The following STPG2 variants were observed in gnomAD, a reference collection of about 807,000 sequenced individuals.
STPG2 encodes sperm-tail PG-rich repeat-containing protein 2.
Under a neutral mutation model 54.2 loss-of-function variants are expected in STPG2, and 56 were observed. The ratio of observed to expected loss-of-function variants is 1.03; its 90% CI spans 0.83 to 1.29. The LOEUF (loss-of-function observed/expected upper bound fraction) is 1.29, where lower values mean the gene tolerates loss of function less well. STPG2 is among the 50% of genes most tolerant of loss of function. The probability of loss-of-function intolerance (pLI) is 0.00; values close to 1 mark genes in which losing one functional copy is unlikely to be tolerated. For synonymous variants in STPG2, 200 were observed against 181.8 expected (o/e 1.10, Z -0.81); for missense variants, 596 against 544.9 (o/e 1.09, Z -0.93).
intron 8 of STPG2, among the ~76,000 whole-genome samples, chr4:97,926,413 C>A (rs927865571): frequency 6.6e-5 from 10 of 152,086 alleles, no homozygotes; most frequent in African/African-American, 1.9e-4. Context: ...TTCATTTTAC[C>A]AGACTTCCCC....
chr4:97,446,080 T>C (rs1468492271), intron 4 of STPG2, among the ~76,000 whole-genome samples: 2 of 152,180 alleles, frequency 1.3e-5, no homozygotes, highest in Non-Finnish European at 2.9e-5. Flanking sequence ...CAAAACTGCT[T>C]GATAATGCAA....
At chr4:97,976,714 C>T (rs925042819) in intron 6 of STPG2, among the ~76,000 whole-genome samples, 2 of 152,110 alleles carry the variant, frequency 1.3e-5, no homozygotes, top group African/African-American at 4.8e-5. Flanking sequence ...ATCAAATTTC[C>T]ATGATGGCCA....
intron 5 of STPG2, among the ~76,000 whole-genome samples, chr4:97,994,498 T>C (rs954943056): frequency 2.6e-5 from 4 of 152,160 alleles, no homozygotes; most frequent in South Asian, 2.1e-4. Context: ...TTGTAGGGTA[T>C]AGTTTAACTC....
At chr4:98,018,482 G>A (rs1204169416) in intron 5 of STPG2, among the ~76,000 whole-genome samples, 1 of 152,176 alleles carries the variant, frequency 6.6e-6, no homozygotes, top group African/African-American at 2.4e-5. Context: ...AAACATACGT[G>A]TGCATGTGTC....
intron 4 of STPG2, among the ~76,000 whole-genome samples, chr4:97,497,149 A>G (rs2148830824): frequency 6.6e-6 from 1 of 151,902 alleles, no homozygotes; most frequent in African/African-American, 2.4e-5. Context: ...CTCAAGCATT[A>G]AAGAAAATCA....
chr4:97,684,063 G>C (rs913640182), intron 10 of STPG2, among the ~76,000 whole-genome samples: 9 of 151,744 alleles, frequency 5.9e-5, no homozygotes, highest in African/African-American at 2.2e-4. Context: ...AGGTACAAGA[G>C]ATATATGAGG....
chr4:97,907,010 T>C (rs1731455070), intron 8 of STPG2, among the ~76,000 whole-genome samples: 2 of 150,534 alleles, frequency 1.3e-5, no homozygotes. Flanking sequence ...TTGGAAGTTC[T>C]GGCCAGGGCA....
At chr4:97,967,331 T>G (rs1046570332) in intron 7 of STPG2, among the ~76,000 whole-genome samples, 1 of 152,108 alleles carries the variant, frequency 6.6e-6, no homozygotes, top group Admixed American at 6.5e-5. Context: ...TAAATATATA[T>G]GCACCCAATA....
intron 2 of STPG2, among the ~76,000 whole-genome samples, chr4:98,129,546 C>T (rs977711175): frequency 3.3e-5 from 5 of 151,812 alleles, no homozygotes; most frequent in South Asian, 2.1e-4. Context: ...AGAAGCTATA[C>T]AAAAATTAAC....
intron 4 of STPG2, among the ~76,000 whole-genome samples, chr4:97,516,669 C>T (rs1029332028): frequency 4.0e-5 from 6 of 151,364 alleles, no homozygotes; most frequent in African/African-American, 1.5e-4. Context: ...ACTAAAAATA[C>T]AAAAAAAATT....
At chr4:97,825,053 T>G (rs1430560920) in intron 9 of STPG2, among the ~76,000 whole-genome samples, 2 of 152,094 alleles carry the variant, frequency 1.3e-5, no homozygotes, top group Admixed American at 6.6e-5. Context: ...AAGAGTGCTA[T>G]GTTTAAAAGT....
chr4:97,514,352 G>T (rs71606989), intron 4 of STPG2, among the ~76,000 whole-genome samples: 45 of 152,162 alleles, frequency 3.0e-4, no homozygotes, highest in Non-Finnish European at 1.0e-4. Flanking sequence ...TTGATAAAGT[G>T]TGAGAACCTG....
At chr4:98,137,256 C>A (rs1274879319) in intron 1 of STPG2, among the ~76,000 whole-genome samples, 1 of 151,410 alleles carries the variant, frequency 6.6e-6, no homozygotes, top group Non-Finnish European at 1.5e-5. Context: ...AGATATACTT[C>A]ATAATGATAA....
intron 8 of STPG2, among the ~76,000 whole-genome samples, chr4:97,924,239 G>A (rs557501633): frequency 3.9e-5 from 6 of 152,170 alleles, no homozygotes; most frequent in Non-Finnish European, 7.3e-5. Flanking sequence ...AACACTCACC[G>A]CGAGGGTCCG....
At chr4:97,550,961 C>T (rs1731952198) in intron 4 of STPG2, among the ~76,000 whole-genome samples, 3 of 151,684 alleles carry the variant, frequency 2.0e-5, no homozygotes, top group Admixed American at 1.3e-4. Flanking sequence ...GAGTGAGCAG[C>T]AGCAAGATGT....
intron 9 of STPG2, among the ~76,000 whole-genome samples, chr4:97,740,185 A>C (rs1236884610): frequency 3.3e-5 from 5 of 152,322 alleles, no homozygotes; most frequent in Non-Finnish European, 5.9e-5. Context: ...AAAAACTCTC[A>C]ATAAATTAGG....
intron 8 of STPG2, among the ~76,000 whole-genome samples, chr4:97,852,668 G>T (rs1729198301): frequency 6.6e-6 from 1 of 152,110 alleles, no homozygotes; most frequent in African/African-American, 2.4e-5. Context: ...CAATTATGTA[G>T]TTATATTGAG....
Position 97,740,897 on chromosome 4 carries a change from C to A in STPG2, c.1205-28083G>T, listed in dbSNP as rs550782530. On this transcript the variant is annotated intron_variant, in intron 9 of 10. Coordinates refer to ENST00000295268, the MANE Select transcript of STPG2 (RefSeq NM_174952.3). Reference sequence around the variant, plus strand: ...TCATATGGAACCAAAAAAGAGCCCGCATCGCCAAGTCAATCTTAAGGCAAA... The same window carrying A: ...TCATATGGAACCAAAAAAGAGCCCGAATCGCCAAGTCAATCTTAAGGCAAA... Among the ~76,000 whole-genome samples the A allele has an allele frequency of 6.6e-3, 1,009 of 152,224 alleles. 6 individuals carry two copies. Among genetic ancestry groups the A allele is most frequent in the Non-Finnish European group, 0.011 (722 of 68,002 alleles).
At chr4:97,979,986 G>C (rs925517238) in intron 6 of STPG2, among the ~76,000 whole-genome samples, 2 of 152,034 alleles carry the variant, frequency 1.3e-5, no homozygotes, top group African/African-American at 2.4e-5. Flanking sequence ...GCCTCCCCAA[G>C]TTATGGGATT....
Sources: gnomAD v4.1 joint callset for allele counts (sites outside exome capture counted in the v4.1 genomes callset) on GRCh38, gnomAD v4.1.1 for gene constraint, MANE v1.5 for transcripts, NCBI Gene and HGNC (gene_info 2026-07-23, HGNC 2026-07-21) for gene names.